The following ATP8B1 variants were observed in gnomAD, a reference collection of about 807,000 sequenced individuals.
ATP8B1 encodes ATPase phospholipid transporting 8B1, also known as phospholipid-transporting ATPase IC.
A neutral mutation model predicts 149.9 loss-of-function variants in ATP8B1; 80 were observed. The observed-to-expected ratio is 0.53, with a 90% CI of 0.45 to 0.64. ATP8B1 has a LOEUF of 0.64. ATP8B1 is among the 30% of genes least tolerant of loss of function. The pLI, the probability that ATP8B1 is intolerant of heterozygous loss-of-function variation, is 0.00. For missense variants in ATP8B1, 1,247 were observed against 1,552.6 expected, an observed-to-expected ratio of 0.80 and a Z score of 3.31; for synonymous variants, 536 against 562.8, an observed-to-expected ratio of 0.95 and a Z score of 0.67.
At chr18:57,693,673 A>C (rs2122882863) in intron 11 of ATP8B1, among the ~76,000 whole-genome samples, 1 of 152,074 alleles carries the variant, frequency 6.6e-6, no homozygotes, top group Non-Finnish European at 1.5e-5. Flanking sequence ...ATGCCATTGT[A>C]CTCCAGCCTG....
rs543855629 is a variant in ATP8B1 at position 57,655,151 on chromosome 18, G to A, written c.2931+43C>T. 103 of 1,517,702 alleles carry A rather than the reference G, an allele frequency of 6.8e-5. 1 individual carries two copies. In the South Asian group the frequency reaches 1.1e-3, roughly 17 times the overall value. The allele number at this position is 1,517,702 out of a possible 1,614,324, so 94.0% of individuals were successfully genotyped here. A position where few individuals can be genotyped will look rare whatever the true frequency, so the allele number is the denominator to read the frequency against. ...CAGAACTAGATTTTTATTCATTTAA[G>A]AGCTCTACTTAGTAAATAACAATAA... On this transcript the variant is annotated intron_variant, in intron 23 of 27. Coordinates refer to ENST00000648908, the MANE Select transcript of ATP8B1 (RefSeq NM_001374385.1).
intron 24 of ATP8B1, among the ~76,000 whole-genome samples, chr18:57,653,249 G>GGA (rs1260007804): frequency 2.0e-5 from 3 of 150,144 alleles, no homozygotes; most frequent in South Asian, 2.1e-4. Context: ...GAGACATATT[G>GGA]GACTCTCGGG....
chr18:57,717,547 C>CAAAAAAAAA (rs1163024544), intron 2 of ATP8B1, among the ~76,000 whole-genome samples: 2 of 19,928 alleles, frequency 1.0e-4, no homozygotes, highest in Non-Finnish European at 8.6e-5. Context: ...GACTCTGTCT[C>CAAAAAAAAA]AAAAAAAAAA....
At chr18:57,743,586 T>TG (rs1165164793) in intron 1 of ATP8B1, among the ~76,000 whole-genome samples, 2 of 151,770 alleles carry the variant, frequency 1.3e-5, no homozygotes, top group Non-Finnish European at 2.9e-5. Flanking sequence ...AGCAAGAACT[T>TG]GGGGTGGGTG....
chr18:57,677,250 T>C (rs1387825573), intron 15 of ATP8B1, among the ~76,000 whole-genome samples: 1 of 152,178 alleles, frequency 6.6e-6, no homozygotes, highest in East Asian at 1.9e-4. Context: ...ACAAGAGTAT[T>C]GGTTTGTGAA....
chr18:57,691,604 G>GCCAGGC (rs2122869397), intron 12 of ATP8B1, among the ~76,000 whole-genome samples: 1 of 152,308 alleles, frequency 6.6e-6, no homozygotes, highest in East Asian at 1.9e-4. Context: ...CAAACAGGAT[G>GCCAGGC]AGATAAAAGG....
At chr18:57,772,355 A>G (rs997428087) in intron 1 of ATP8B1, among the ~76,000 whole-genome samples, 1 of 152,170 alleles carries the variant, frequency 6.6e-6, no homozygotes. Context: ...AAGCTGGGCC[A>G]CTATCTGATT....
chr18:57,653,682 CT>C (rs71171057), intron 24 of ATP8B1, among the ~76,000 whole-genome samples: 2,483 of 117,622 alleles, frequency 0.021, 15 homozygotes, highest in Non-Finnish European at 0.026. Context: ...CCTCTTTTCT[CT>C]TTTTTTTTTT....
chr18:57,760,071 A>G (rs1482920347), intron 1 of ATP8B1, among the ~76,000 whole-genome samples: 2 of 152,084 alleles, frequency 1.3e-5, no homozygotes, highest in Non-Finnish European at 2.9e-5. Flanking sequence ...TACCAGCAAG[A>G]AGGAGGTTGG....
intron 2 of ATP8B1, among the ~76,000 whole-genome samples, chr18:57,717,707 C>G (rs1170967904): frequency 6.7e-6 from 1 of 148,630 alleles, no homozygotes; most frequent in Non-Finnish European, 1.5e-5. Context: ...ATCAATGAAA[C>G]AAAAACGGTT....
intron 11 of ATP8B1, among the ~76,000 whole-genome samples, chr18:57,692,930 G>A (rs764609189): frequency 3.9e-5 from 6 of 152,132 alleles, no homozygotes; most frequent in Non-Finnish European, 7.4e-5. Context: ...TTGGAGATTC[G>A]CAAGTGGGAA....
chr18:57,712,261 C>G (rs1392025460), intron 2 of ATP8B1, among the ~76,000 whole-genome samples: 1 of 152,014 alleles, frequency 6.6e-6, no homozygotes, highest in Non-Finnish European at 1.5e-5. Context: ...GAAAAATAGT[C>G]TTGAATTGCC....
intron 6 of ATP8B1, among the ~76,000 whole-genome samples, chr18:57,698,641 C>T (rs74503013): frequency 0.017 from 2,585 of 152,276 alleles, 72 homozygotes; most frequent in African/African-American, 0.057. Context: ...GGCCGGTTAA[C>T]TTCTTAATTG....
intron 1 of ATP8B1, among the ~76,000 whole-genome samples, chr18:57,787,263 T>C (rs2080418593): frequency 6.6e-6 from 1 of 152,214 alleles, no homozygotes; most frequent in African/African-American, 2.4e-5. Context: ...CTCTGCCAAG[T>C]GCAATTAAAG....
chr18:57,730,774 G>GGCC (rs1270992533), intron 2 of ATP8B1, among the ~76,000 whole-genome samples: 1 of 151,886 alleles, frequency 6.6e-6, no homozygotes, highest in African/African-American at 2.4e-5. Context: ...TGCCTCTGAT[G>GGCC]CTGGCCTGAC....
chr18:57,688,167 A>G (rs1170328607), intron 13 of ATP8B1, 132 bp downstream of exon 13: 5 of 988,640 alleles, frequency 5.1e-6, no homozygotes, highest in Non-Finnish European at 7.9e-6. Flanking sequence ...TAGCTGGAGA[A>G]TGGCCCTAGC....
chr18:57,762,105 A>G (rs2080163363), intron 1 of ATP8B1, among the ~76,000 whole-genome samples: 1 of 151,076 alleles, frequency 6.6e-6, no homozygotes, highest in African/African-American at 2.4e-5. Flanking sequence ...ATGAGCCAAT[A>G]ATGAGATACA....
At chr18:57,731,308 AATATATATATATATATATATATAT>A (rs878964423) in intron 2 of ATP8B1, 9 of 141,292 alleles carry the variant, frequency 6.4e-5, no homozygotes, top group African/African-American at 2.6e-4. Flanking sequence ...CCTGCCTCAA[AATATATATATATATATATATATAT>A]ATATATATAT....
At chr18:57,751,312 C>T (rs1313763284) in intron 1 of ATP8B1, among the ~76,000 whole-genome samples, 1 of 151,816 alleles carries the variant, frequency 6.6e-6, no homozygotes, top group East Asian at 1.9e-4. Flanking sequence ...GGTGAAACCA[C>T]AGCTGTACAA....
Sources: allele counts gnomAD v4.1 joint callset (sites outside exome capture counted in the v4.1 genomes callset), GRCh38; gene constraint gnomAD v4.1.1; transcripts MANE v1.5; gene names NCBI Gene and HGNC (gene_info 2026-07-23, HGNC 2026-07-21).